Variants in MYO18B observed in about 807,000 individuals in gnomAD.
MYO18B encodes unconventional myosin-XVIIIb.
In MYO18B, 204 loss-of-function variants were observed where a neutral mutation model predicts 273.0. The observed-to-expected ratio is 0.75, with a 90% CI of 0.67 to 0.84. The LOEUF is 0.84. Ranked by LOEUF, MYO18B falls within the 40% of genes least tolerant of loss-of-function variation. The pLI is 0.00. For missense variants in MYO18B, 3,212 were observed against 3,287.6 expected (o/e 0.98, Z 0.56); for synonymous variants, 1,330 against 1,305.7 (o/e 1.02, Z -0.40).
chr22:25,853,869 C>T (rs2090493039), intron 21 of MYO18B, among the ~76,000 whole-genome samples: 1 of 152,092 alleles, frequency 6.6e-6, no homozygotes, highest in Non-Finnish European at 1.5e-5. Context: ...TTATTTGCTG[C>T]AGCATAGAAT....
rs546694054 is a variant in MYO18B at position 25,757,536 on chromosome 22, G to A, written c.-109-3448G>A. Among the ~76,000 whole-genome samples, 3 of 151,862 alleles carry A rather than the reference G, an allele frequency of 2.0e-5. No homozygotes were observed. The South Asian group carries it at 6.2e-4, about 32-fold the overall frequency. ...CAGGAGGTGGAGGTTGCAGTGAGCCGAGACCGTGCCATTATACTCCAGCCT... is the reference window on the plus strand; with the variant it reads ...CAGGAGGTGGAGGTTGCAGTGAGCCAAGACCGTGCCATTATACTCCAGCCT... On this transcript the variant is annotated intron_variant, in intron 1 of 43. Coordinates refer to ENST00000335473, the MANE Select transcript of MYO18B (RefSeq NM_032608.7).
the MYO18B span, among the ~76,000 whole-genome samples, chr22:26,054,017 G>A: frequency 6.6e-6 from 1 of 152,066 alleles, no homozygotes; most frequent in Non-Finnish European, 1.5e-5. Context: ...GATGATAATG[G>A]GTGAACTCGG....
In MYO18B at chr22:26,027,071, G is replaced by C. The variant is rs757286053; in HGVS notation, c.7097G>C (p.Ser2366Thr). The C allele has an allele frequency of 1.2e-6, 2 of 1,614,012 alleles. No homozygotes were observed. The highest frequency in any genetic ancestry group is 2.2e-5 in the South Asian group (2 of 91,070). ...ESRPSMGRKL[S>T]SPTTPRDMLL... ...AGACCGAGCATGGGGAGAAAACTGA[G>C]CTCTCCGACCACACCCAGGGACATG... Residue 2366 changes from serine (S) to threonine (T), a missense_variant, in exon 43 of 44, where the codon AGC becomes ACC. Physicochemically the swap from Ser to Thr is moderately conservative, Grantham distance 58. Coordinates refer to ENST00000335473, the MANE Select transcript of MYO18B (RefSeq NM_032608.7). The surrounding 1 kb of genome is among the most constrained non-coding windows in gnomAD (Gnocchi z 4.1).
chr22:25,817,200 T>TTTTCTTTCTTTCTTTC, intron 12 of MYO18B, among the ~76,000 whole-genome samples: 1 of 151,536 alleles, frequency 6.6e-6, no homozygotes, highest in Non-Finnish European at 1.5e-5. Context: ...CTTCCTCCCT[T>TTTTCTTTCTTTCTTTC]TTTCTTTCTT....
intron 3 of MYO18B, among the ~76,000 whole-genome samples, chr22:25,767,552 A>G (rs1297182545): frequency 2.0e-5 from 3 of 152,242 alleles, no homozygotes; most frequent in Non-Finnish European, 4.4e-5. Flanking sequence ...TAGCCCAGAT[A>G]GACATAGAAG....
At chr22:25,956,382 A>AT (rs2092852389) in intron 39 of MYO18B, among the ~76,000 whole-genome samples, 3 of 152,070 alleles carry the variant, frequency 2.0e-5, no homozygotes, top group Admixed American at 2.0e-4. Context: ...TGTCCGTCTA[A>AT]TTTTTTGTAT....
the MYO18B span, among the ~76,000 whole-genome samples, chr22:26,043,471 T>C: frequency 3.3e-5 from 5 of 152,008 alleles, no homozygotes; most frequent in East Asian, 9.7e-4. Context: ...ATGTGCAATT[T>C]CTTGAGAATT....
At chr22:25,924,284 G>T (rs2092389905) in intron 34 of MYO18B, among the ~76,000 whole-genome samples, 1 of 152,224 alleles carries the variant, frequency 6.6e-6, no homozygotes, top group Non-Finnish European at 1.5e-5. Context: ...ACAGGAGGAT[G>T]AAGGAAGAGG....
At chr22:25,947,685 C>A in intron 35 of MYO18B, 27 bp from the exon 36 acceptor site, 1 of 1,587,616 alleles carries the variant, frequency 6.3e-7, no homozygotes, top group Non-Finnish European at 8.6e-7. Context: ...TCTCACCTTG[C>A]CTTGACCACT....
In MYO18B at chr22:25,911,041, C is replaced by T. The variant is rs1232881998; in HGVS notation, c.5355C>T (p.Leu1785=). 1.2e-6 allele frequency: 2 copies of T among 1,602,190 alleles called. No individual in the cohort carries two copies. The highest frequency in any genetic ancestry group is 1.7e-6 in the Non-Finnish European group (2 of 1,174,230). ...KQDLEGLIGT[L]CDQIGHRDFD... ...ATTTGGAAGGCTTGATCGGAACCCT[C>T]TGTGACCAGGTAAGGGGGAGACATT... The change falls in exon 33 of 44, where the codon CTC becomes CTT. Residue 1785 remains leucine (L), a synonymous_variant. Transcript: ENST00000335473.
chr22:26,025,664 A>C (rs1936187236), intron 42 of MYO18B, among the ~76,000 whole-genome samples: 1 of 152,192 alleles, frequency 6.6e-6, no homozygotes, highest in Non-Finnish European at 1.5e-5. Flanking sequence ...AGAGAGGACA[A>C]ATAGATTTTA....
chr22:26,003,209 C>T (rs2146911256), intron 40 of MYO18B, 56 bp from the exon 41 acceptor site: 5 of 1,496,214 alleles, frequency 3.3e-6, no homozygotes, highest in Middle Eastern at 1.7e-4. Flanking sequence ...AATAACCATG[C>T]TTCCAAGCCC....
At chr22:26,040,288 C>A in the MYO18B span, among the ~76,000 whole-genome samples, 1 of 152,144 alleles carries the variant, frequency 6.6e-6, no homozygotes, top group African/African-American at 2.4e-5. Flanking sequence ...TTGCAGCTCT[C>A]TATTTACTTG....
downstream of MYO18B, among the ~76,000 whole-genome samples, chr22:26,032,517 GTT>G (rs869157490): frequency 0.02 from 2,324 of 117,546 alleles, 69 homozygotes; most frequent in African/African-American, 0.074. Context: ...TAATCACCCT[GTT>G]TTTTTTTTTT....
In MYO18B at chr22:26,029,146, C is replaced by A. The variant is rs555129148; in HGVS notation, c.*13-1297C>A. On this transcript the variant is annotated intron_variant, in intron 43 of 43. Coordinates refer to ENST00000335473, the MANE Select transcript of MYO18B (RefSeq NM_032608.7). ...TTCCCTAGGGACACATTCCAGGCAT[C>A]TTCATGAGTGAAATTAGAGCTGTCT... Among the ~76,000 whole-genome samples, 150 of 152,318 alleles carry A rather than the reference C, an allele frequency of 9.8e-4. 1 individual carries two copies. Among genetic ancestry groups the A allele is most frequent in the Non-Finnish European group, 5.3e-4 (36 of 68,040 alleles).
intron 40 of MYO18B, among the ~76,000 whole-genome samples, chr22:25,997,976 C>CGAGAGAGAGAGAGAGAGAGAGAGAGAG (rs1381007559): frequency 8.2e-6 from 1 of 121,278 alleles, no homozygotes; most frequent in African/African-American, 3.1e-5. Context: ...CACACACACA[C>CGAGAGAGAGAGAGAGAGAGAGAGAGAG]ACGAGAGAGA....
chr22:25,970,480 C>T (rs1440561035), intron 39 of MYO18B, among the ~76,000 whole-genome samples: 1 of 152,140 alleles, frequency 6.6e-6, no homozygotes, highest in Non-Finnish European at 1.5e-5. Context: ...CTGCCTTCTC[C>T]AGCCTTGTCT....
At chr22:25,785,377 AG>A in intron 10 of MYO18B, 50 bp from the exon 11 acceptor site, 1 of 1,549,816 alleles carries the variant, frequency 6.5e-7, no homozygotes, top group South Asian at 1.2e-5. Flanking sequence ...CTGCCCTGCC[AG>A]GGCTGGTGTG....
chr22:25,881,088 AC>A (rs2091320058), intron 25 of MYO18B, among the ~76,000 whole-genome samples: 1 of 152,216 alleles, frequency 6.6e-6, no homozygotes, highest in Non-Finnish European at 1.5e-5. Flanking sequence ...AGCCAACAGA[AC>A]CTACTCTTCT....
Sources: allele counts gnomAD v4.1 joint callset (sites outside exome capture counted in the v4.1 genomes callset), GRCh38; gene constraint gnomAD v4.1.1; non-coding constraint Gnocchi (gnomAD v3.1); transcripts MANE v1.5; gene names NCBI Gene and HGNC (gene_info 2026-07-23, HGNC 2026-07-21).